The following SLC61A1 variants were observed in gnomAD, a reference collection of about 807,000 sequenced individuals.
SLC61A1 encodes solute carrier family 61 member 1.
At chr12:53,251,840 G>T in the SLC61A1 span, 1 of 1,537,284 alleles carries the variant, frequency 6.5e-7, no homozygotes, top group Non-Finnish European at 8.7e-7. Context: ...ACCGGACTGC[G>T]GGCATCTTTC....
chr12:53,253,217 T>TACAA, the SLC61A1 span: 1 of 1,614,270 alleles, frequency 6.2e-7, no homozygotes, highest in East Asian at 2.2e-5. Flanking sequence ...TCAAGACTAC[T>TACAA]TTGTGCTGCT....
At chr12:53,252,575 C>A in the SLC61A1 span, 2 of 1,352,080 alleles carry the variant, frequency 1.5e-6, no homozygotes, top group Non-Finnish European at 1.9e-6. Context: ...TCTTCACAGG[C>A]AAGGATGGGT....
At chr12:53,254,061 T>G in the SLC61A1 span, 2 of 1,614,210 alleles carry the variant, frequency 1.2e-6, no homozygotes. Flanking sequence ...CGGAATATGT[T>G]CAGCATTTGC....
At chr12:53,252,538 G>A in the SLC61A1 span, 2 of 1,373,266 alleles carry the variant, frequency 1.5e-6, no homozygotes, top group Non-Finnish European at 1.9e-6. Context: ...AGAATTTGCG[G>A]GAGCGGGATT....
At chr12:53,253,233 G>A in the SLC61A1 span, 1 of 1,614,242 alleles carries the variant, frequency 6.2e-7, no homozygotes, top group East Asian at 2.2e-5. Context: ...CTGCTAGTGG[G>A]GCGAGCACTT....
At chr12:53,253,153 T>C in the SLC61A1 span, 1 of 1,614,242 alleles carries the variant, frequency 6.2e-7, no homozygotes, top group Non-Finnish European at 8.5e-7. Flanking sequence ...GTCGCAAGAA[T>C]TCTTGTGTCC....
the SLC61A1 span, chr12:53,253,203 T>C: frequency 1.2e-5 from 20 of 1,614,234 alleles, no homozygotes; most frequent in Non-Finnish European, 1.7e-5. Flanking sequence ...TTAACCAAAC[T>C]CTCTCAAGAC....
chr12:53,254,093 C>G, the SLC61A1 span: 1 of 1,614,194 alleles, frequency 6.2e-7, no homozygotes, highest in Non-Finnish European at 8.5e-7. Flanking sequence ...GGTGATGGCT[C>G]TGCTGGCAGT....
chr12:53,251,906 G>A, the SLC61A1 span: 138 of 1,537,198 alleles, frequency 9.0e-5, no homozygotes, highest in Admixed American at 2.7e-4. Context: ...TGGCCCCTCA[G>A]GCATCCAAGA....
At chr12:53,252,870 T>G in the SLC61A1 span, 1 of 1,614,114 alleles carries the variant, frequency 6.2e-7, no homozygotes. Flanking sequence ...TTTGTAGGCC[T>G]CCTGGCCTCC....
chr12:53,252,268 G>C, the SLC61A1 span: 2 of 1,399,766 alleles, frequency 1.4e-6, no homozygotes, highest in East Asian at 5.6e-5. Flanking sequence ...CGGGGCAGCA[G>C]GTGAGGCGGA....
the SLC61A1 span, chr12:53,253,667 G>A: frequency 4.6e-4 from 738 of 1,613,868 alleles, no homozygotes; most frequent in Non-Finnish European, 6.0e-4. Context: ...GGACCCACAC[G>A]GGGCCCCTCT....
chr12:53,252,839 C>G, the SLC61A1 span: 3 of 1,613,774 alleles, frequency 1.9e-6, no homozygotes, highest in Non-Finnish European at 1.7e-6. Context: ...GCCCACCATG[C>G]TGGTGACTGC....
the SLC61A1 span, chr12:53,254,398 A>G: frequency 6.2e-5 from 36 of 581,098 alleles, no homozygotes; most frequent in Non-Finnish European, 1.0e-4. Flanking sequence ...AAACACTTTT[A>G]AATGATCATT....
chr12:53,252,425 G>A, the SLC61A1 span: 1 of 1,286,090 alleles, frequency 7.8e-7, no homozygotes, highest in Non-Finnish European at 9.9e-7. Flanking sequence ...TGGGAGGGAT[G>A]CCCGGGACAG....
chr12:53,253,373 G>A, the SLC61A1 span: 1 of 1,614,254 alleles, frequency 6.2e-7, no homozygotes, highest in Non-Finnish European at 8.5e-7. Context: ...CTGGAACCAT[G>A]TGCTGGCTGT....
the SLC61A1 span, chr12:53,252,206 G>A: frequency 7.1e-7 from 1 of 1,416,734 alleles, no homozygotes; most frequent in South Asian, 1.5e-5. Context: ...CCACAGCGGG[G>A]AGGGTGGCCT....
chr12:53,253,255 C>A, the SLC61A1 span: 10 of 1,614,250 alleles, frequency 6.2e-6, no homozygotes, highest in South Asian at 3.3e-5. Flanking sequence ...GTGGGCTGTC[C>A]ACAGCCCTGC....
chr12:53,252,785 G>A, the SLC61A1 span: 35,120 of 1,602,130 alleles, frequency 0.022, 574 homozygotes, highest in East Asian at 0.072. Flanking sequence ...CCCGAAGGAT[G>A]GATATGGCTC....
Sources: allele counts gnomAD v4.1 joint callset, GRCh38; gene constraint gnomAD v4.1.1; transcripts MANE v1.5; gene names NCBI Gene and HGNC (gene_info 2026-07-23, HGNC 2026-07-21).